Variants in MAPK1IP1L observed in about 807,000 individuals in gnomAD.
MAPK1IP1L encodes MAPK-interacting and spindle-stabilizing protein-like.
A neutral mutation model predicts 18.1 loss-of-function variants in MAPK1IP1L; 10 were observed. That is an observed-to-expected ratio of 0.55 (90% CI 0.34 to 0.94). The LOEUF is 0.94. Among genes scored for constraint, MAPK1IP1L ranks in the 40% least tolerant of loss-of-function variants. The pLI is 0.02. For synonymous variants in MAPK1IP1L, 115 were observed against 117.3 expected, an observed-to-expected ratio of 0.98 and a Z score of 0.13; for missense variants, 260 against 318.2, an observed-to-expected ratio of 0.82 and a Z score of 1.39.
At chr14:55,059,333 T>C (rs1477653916) in intron 1 of MAPK1IP1L, among the ~76,000 whole-genome samples, 5 of 150,358 alleles carry the variant, frequency 3.3e-5, no homozygotes, top group Non-Finnish European at 7.4e-5. Flanking sequence ...TGCAGACCAG[T>C]AGAAAAGAAT....
intron 1 of MAPK1IP1L, among the ~76,000 whole-genome samples, chr14:55,056,732 A>G (rs1426766098): frequency 1.3e-5 from 2 of 151,994 alleles, no homozygotes; most frequent in East Asian, 3.9e-4. Context: ...GATGGTCTCA[A>G]TCTCCTGACT....
At position 55,069,633 on chromosome 14, in the gene MAPK1IP1L, C is replaced by CA. The variant is rs1375896394; in HGVS notation, c.*5011dup. ...GCCTAATTAACTGTAAATTTGTTGT[C>CA]AAAAAGGAAGAAAAAAGGGCCTGAG... is the stretch of plus-strand genomic sequence containing the variant. On this transcript the variant is annotated 3_prime_UTR_variant, in exon 4 of 4. Transcript: ENST00000395468. 6.6e-6 allele frequency: 1 copy of CA among 152,184 alleles called. No individual in the cohort carries two copies. Among genetic ancestry groups the CA allele is most frequent in the Non-Finnish European group, 1.5e-5 (1 of 68,010 alleles). 9.4% of individuals were successfully genotyped at this position (152,184 alleles called of 1,614,324 possible). A position where few individuals can be genotyped will look rare whatever the true frequency, so the allele number is the denominator to read the frequency against.
At position 55,068,904 on chromosome 14, in the gene MAPK1IP1L, G is replaced by T. The variant is rs1407490814; in HGVS notation, c.*4277G>T. 2 of 152,066 alleles carry T rather than the reference G, an allele frequency of 1.3e-5. No homozygotes were observed. Among genetic ancestry groups the T allele is most frequent in the Admixed American group, 1.3e-4 (2 of 15,266 alleles). The allele number at this position is 152,066 out of a possible 1,614,324, so 9.4% of individuals were successfully genotyped here. ...GTCTATAAGTAACATTACAGAATTT[G>T]TTAGCATACCCATTCATTATTAGTT... On this transcript the variant is annotated 3_prime_UTR_variant, in exon 4 of 4. Coordinates refer to ENST00000395468, the MANE Select transcript of MAPK1IP1L (RefSeq NM_144578.4).
At chr14:55,063,443 G>T in intron 3 of MAPK1IP1L, 118 bp downstream of exon 3, 1 of 834,028 alleles carries the variant, frequency 1.2e-6, no homozygotes, top group Non-Finnish European at 1.8e-6. Flanking sequence ...AAGAGGGTGT[G>T]TGTATATTAA....
chr14:55,056,241 A>C (rs142781690), intron 1 of MAPK1IP1L, among the ~76,000 whole-genome samples: 1 of 152,280 alleles, frequency 6.6e-6, no homozygotes, highest in Admixed American at 6.5e-5. Context: ...TAACTTGTAG[A>C]ATAATTTATG....
rs769268479 is a variant in MAPK1IP1L, at chr14:55,062,690, C to T, written c.91C>T (p.Pro31Ser). The T allele has an allele frequency of 7.8e-5, 126 of 1,614,034 alleles. No homozygotes were observed. Among genetic ancestry groups the T allele is most frequent in the Non-Finnish European group, 1.0e-4 (122 of 1,180,024 alleles). Residue 31 changes from proline (P) to serine (S), a missense_variant, in exon 3 of 4, where the codon CCT (proline) becomes TCT (serine). Pro to Ser is a moderately conservative substitution (Grantham distance 74). Transcript: ENST00000395468. The stretch of plus-strand genomic sequence containing the variant: ...GAGCAATACAAAACCTGGCCAACCT[C>T]CTCAAGGCTGGCCAGGCTCCAACCC... ...AVSNTKPGQPPQGWPGSNPWN... is the reference protein window; with the variant it reads ...AVSNTKPGQPSQGWPGSNPWN...
rs116807610 is a variant in MAPK1IP1L, at chr14:55,061,332, A to G, written c.-4-348A>G. ...AATTTATCTGTTGACTCTAAATTCCATGTCCAGTGCTTTTTCCTGGTGTTA... is the reference window on the plus strand; with the variant it reads ...AATTTATCTGTTGACTCTAAATTCCGTGTCCAGTGCTTTTTCCTGGTGTTA... On this transcript the variant is annotated intron_variant, in intron 1 of 3. Transcript: ENST00000395468. Among the ~76,000 whole-genome samples the G allele has an allele frequency of 3.2e-3, 484 of 152,346 alleles. 5 individuals are homozygous for G. Among genetic ancestry groups the G allele is most frequent in the African/African-American group, 0.011 (459 of 41,580 alleles).
In MAPK1IP1L at chr14:55,066,483, A is replaced by G; in HGVS notation, c.*1856A>G. ...GTTGTCAAAGTAGCCCCCTTAGTCTACAAGGCAGGTAGCCTTGGCTTGAAT... is the reference window on the plus strand; with the variant it reads ...GTTGTCAAAGTAGCCCCCTTAGTCTGCAAGGCAGGTAGCCTTGGCTTGAAT... On this transcript the variant is annotated 3_prime_UTR_variant, in exon 4 of 4. Coordinates refer to ENST00000395468, the MANE Select transcript of MAPK1IP1L (RefSeq NM_144578.4). 6.6e-6 allele frequency: 1 copy of G among 152,190 alleles called. No individual in the cohort carries two copies. The highest frequency in any genetic ancestry group is 1.9e-4 in the East Asian group (1 of 5,198). 9.4% of individuals were successfully genotyped at this position (152,190 alleles called of 1,614,324 possible).
rs140409904 is a variant in MAPK1IP1L, at chr14:55,057,973, A to C, written c.-4-3707A>C. Reference sequence around the variant, plus strand: ...ATGAATGTGAGCTGTGTATACATTTAAGAAAGATTAATAAAAAGATAATTA... The same window carrying C: ...ATGAATGTGAGCTGTGTATACATTTCAGAAAGATTAATAAAAAGATAATTA... On this transcript the variant is annotated intron_variant, in intron 1 of 3. Transcript: ENST00000395468. Among the ~76,000 whole-genome samples the C allele has an allele frequency of 8.3e-3, 1,267 of 152,234 alleles. 24 individuals carry two copies. Among genetic ancestry groups the C allele is most frequent in the South Asian group, 0.045 (216 of 4,822 alleles).
Position 55,062,933 on chromosome 14 carries a change from C to T in MAPK1IP1L, c.334C>T (p.Pro112Ser), listed in dbSNP as rs762777490. The T allele has an allele frequency of 3.7e-6, 6 of 1,614,018 alleles. No homozygotes were observed. The Admixed American group carries it at 1.0e-4, about 27-fold the overall frequency. ...YPAPTVPGPG[P>S]TGPYPTPNMP... is the part of the protein sequence containing the mutation. ...AGCCCCAACTGTGCCGGGCCCTGGC[C>T]CCACAGGGCCATATCCTACACCAAA... is the stretch of plus-strand genomic sequence containing the variant. Residue 112 changes from proline to serine, a missense_variant, in exon 3 of 4, where the codon CCC becomes TCC. Physicochemically the swap from Pro to Ser is moderately conservative, Grantham distance 74 (BLOSUM62 -1). Transcript: ENST00000395468.
chr14:55,054,179 T>C (rs1387093221), intron 1 of MAPK1IP1L, among the ~76,000 whole-genome samples: 1 of 139,602 alleles, frequency 7.2e-6, no homozygotes, highest in Non-Finnish European at 1.5e-5. Context: ...TATATTTTCT[T>C]TTTTTTTTTT....
At chr14:55,055,953 A>G (rs2042768146) in intron 1 of MAPK1IP1L, among the ~76,000 whole-genome samples, 2 of 151,970 alleles carry the variant, frequency 1.3e-5, no homozygotes, top group Non-Finnish European at 2.9e-5. Flanking sequence ...AAAACTTACG[A>G]ATTATTTATT....
chr14:55,061,555 A>G (rs2042818443), intron 1 of MAPK1IP1L, 125 bp from the exon 2 acceptor site: 2 of 671,998 alleles, frequency 3.0e-6, no homozygotes, highest in Non-Finnish European at 4.9e-6. Flanking sequence ...AACACATTAC[A>G]TAAATAAGAT....
intron 1 of MAPK1IP1L, among the ~76,000 whole-genome samples, chr14:55,054,576 AC>A (rs1421792069): frequency 6.6e-6 from 1 of 152,246 alleles, no homozygotes; most frequent in African/African-American, 2.4e-5. Context: ...TAAGTGTGTT[AC>A]TATTTTCTGT....
intron 1 of MAPK1IP1L, among the ~76,000 whole-genome samples, chr14:55,053,668 C>T (rs1398595790): frequency 6.6e-6 from 1 of 152,136 alleles, no homozygotes. Context: ...TATTCTAACC[C>T]ATCTGAACTG....
In MAPK1IP1L at chr14:55,068,235, GTA is replaced by G. The variant is rs1491325489; in HGVS notation, c.*3614_*3615del. ...GAGAATAGTAATAGGGCAGAGAAAA[GTA>G]TATATTTTGCCTCAGTCAGTCCCAC... On this transcript the variant is annotated 3_prime_UTR_variant, in exon 4 of 4. Coordinates refer to ENST00000395468, the MANE Select transcript of MAPK1IP1L (RefSeq NM_144578.4). 1 of 152,616 alleles carries G rather than the reference GTA, an allele frequency of 6.6e-6. No homozygotes were observed. Among genetic ancestry groups the G allele is most frequent in the African/African-American group, 2.4e-5 (1 of 41,436 alleles). 9.5% of individuals were successfully genotyped at this position (152,616 alleles called of 1,614,324 possible). A position where few individuals can be genotyped will look rare whatever the true frequency, so the allele number is the denominator to read the frequency against.
rs1226986781 is a variant in MAPK1IP1L, at chr14:55,068,497, A to G, written c.*3870A>G. On this transcript the variant is annotated 3_prime_UTR_variant, in exon 4 of 4. Transcript: ENST00000395468. The stretch of plus-strand genomic sequence containing the variant: ...TCTCAATTTTCTCACCCTGAATGAT[A>G]GAAGCTAGCTTTATCAAATGCCAAG... 5.2e-5 allele frequency: 8 copies of G among 152,650 alleles called. No homozygotes were observed. The highest frequency in any genetic ancestry group is 2.9e-5 in the Non-Finnish European group (2 of 68,052). 9.5% of individuals were successfully genotyped at this position (152,650 alleles called of 1,614,324 possible).
At position 55,066,652 on chromosome 14, in the gene MAPK1IP1L, T is replaced by C. The variant is rs939835619; in HGVS notation, c.*2025T>C. ...AAATTAGCAGTATTTAGTTTAACAC[T>C]GGAGCAAATATAATTTGAGTAGGAA... On this transcript the variant is annotated 3_prime_UTR_variant, in exon 4 of 4. Transcript: ENST00000395468. The C allele has an allele frequency of 6.6e-5, 10 of 152,190 alleles. No homozygotes were observed. The highest frequency in any genetic ancestry group is 1.3e-4 in the Non-Finnish European group (9 of 68,034). The allele number at this position is 152,190 out of a possible 1,614,324, so 9.4% of individuals were successfully genotyped here.
At position 55,064,650 on chromosome 14, in the gene MAPK1IP1L, A is replaced by C; in HGVS notation, c.*23A>C. The C allele has an allele frequency of 6.2e-7, 1 of 1,611,116 alleles. No individual in the cohort carries two copies. Among genetic ancestry groups the C allele is most frequent in the Non-Finnish European group, 8.5e-7 (1 of 1,179,070 alleles). On this transcript the variant is annotated 3_prime_UTR_variant, in exon 4 of 4. Transcript: ENST00000395468. ...TAAGTTAACAATGGACGAAGAGATG[A>C]CGCTTTGCTTTTTGAAGTACATGTA...
Sources: allele counts gnomAD v4.1 joint callset (sites outside exome capture counted in the v4.1 genomes callset), GRCh38; gene constraint gnomAD v4.1.1; transcripts MANE v1.5; gene names NCBI Gene and HGNC (gene_info 2026-07-23, HGNC 2026-07-21).